Variants in EML1 observed in about 807,000 individuals in gnomAD.
EML1 encodes EMAP like 1.
In EML1, 27 loss-of-function variants were observed where a neutral mutation model predicts 110.4. That is an observed-to-expected ratio of 0.24 (90% CI 0.18 to 0.34). The LOEUF is 0.34. Among genes scored for constraint, EML1 ranks in the 10% least tolerant of loss-of-function variants. EML1 has a pLI of 1.00. For synonymous variants in EML1, 344 were observed against 385.8 expected, an observed-to-expected ratio of 0.89 and a Z score of 1.27; for missense variants, 741 against 1,030.9, an observed-to-expected ratio of 0.72 and a Z score of 3.85.
At chr14:99,892,103 G>A (rs2059597989) in intron 5 of EML1, 2 of 984,596 alleles carry the variant, frequency 2.0e-6, no homozygotes, top group Non-Finnish European at 2.4e-6. Context: ...AGGCAGGCCA[G>A]CCACACTTGC....
intron 1 of EML1, among the ~76,000 whole-genome samples, chr14:99,767,056 C>T (rs1426632020): frequency 2.0e-5 from 3 of 152,166 alleles, no homozygotes; most frequent in Non-Finnish European, 4.4e-5. Context: ...TTTTCCATCG[C>T]CATGGTGACT....
At chr14:99,901,306 T>C (rs572313081) in intron 9 of EML1, among the ~76,000 whole-genome samples, 1 of 152,284 alleles carries the variant, frequency 6.6e-6, no homozygotes, top group East Asian at 1.9e-4. Flanking sequence ...GTCCTCACTT[T>C]CCTTAAGGCA....
chr14:99,750,166 C>A (rs2057159376), intron 1 of EML1, among the ~76,000 whole-genome samples: 1 of 152,244 alleles, frequency 6.6e-6, no homozygotes, highest in Non-Finnish European at 1.5e-5. Flanking sequence ...ACAAATCCAT[C>A]TCTAACAGCA....
chr14:99,766,542 A>G (rs1431818519), intron 1 of EML1, among the ~76,000 whole-genome samples: 2 of 152,174 alleles, frequency 1.3e-5, no homozygotes, highest in African/African-American at 2.4e-5. Context: ...TCTATCACAC[A>G]TAGACCAACT....
In EML1 at chr14:99,767,375, G is replaced by T. The variant is rs193171779; in HGVS notation, c.28+29515G>T. Among the ~76,000 whole-genome samples the T allele has an allele frequency of 2.6e-4, 40 of 152,342 alleles. No individual in the cohort carries two copies. The East Asian group carries it at 7.1e-3, about 27-fold the overall frequency. On this transcript the variant is annotated intron_variant, in intron 1 of 10. Coordinates refer to the EML1 transcript ENST00000554479. ...TCCCAACACTTTGGGAGGCCAAGGC[G>T]GGCAGATCATAAGGTCAGGATATGG... is the stretch of plus-strand genomic sequence containing the variant.
intron 1 of EML1, among the ~76,000 whole-genome samples, chr14:99,795,394 A>G (rs959478959): frequency 2.0e-5 from 3 of 152,240 alleles, no homozygotes; most frequent in Admixed American, 6.5e-5. Flanking sequence ...ACTAGAATCA[A>G]ACAATAAGAT....
chr14:99,802,494 C>T (rs978328890), intron 1 of EML1, among the ~76,000 whole-genome samples: 2 of 151,818 alleles, frequency 1.3e-5, no homozygotes, highest in African/African-American at 2.4e-5. Flanking sequence ...TCACCCTGGG[C>T]GGGGTGTTGG....
intron 20 of EML1, among the ~76,000 whole-genome samples, chr14:99,938,420 G>A (rs2060513034): frequency 6.6e-6 from 1 of 152,190 alleles, no homozygotes; most frequent in Admixed American, 6.5e-5. Flanking sequence ...GTGAGAATTT[G>A]CAGTTTTGTG....
chr14:99,909,633 A>G (rs1350001263), intron 11 of EML1, among the ~76,000 whole-genome samples, 154 bp downstream of exon 11: 3 of 152,156 alleles, frequency 2.0e-5, no homozygotes, highest in African/African-American at 7.2e-5. Context: ...GCTGGTAATG[A>G]AGTGAAGAAA....
Position 99,939,131 on chromosome 14 carries a change from T to A in EML1, c.2192-66T>A. On this transcript the variant is annotated intron_variant, in intron 20 of 21. Coordinates refer to ENST00000262233, the MANE Select transcript of EML1 (RefSeq NM_004434.3). This position sits in a 1 kb window ranked among gnomAD's most constrained non-coding sequence, Gnocchi z 4.2. ...ATGTTCAGGACCGTTCAGTGGGCGC[T>A]TCCTGCGCCATGTGGCCCTGTGGCC... 2 of 1,589,680 alleles carry A rather than the reference T, an allele frequency of 1.3e-6. No individual in the cohort carries two copies. Among genetic ancestry groups the A allele is most frequent in the South Asian group, 1.1e-5 (1 of 87,530 alleles).
intron 1 of EML1, among the ~76,000 whole-genome samples, chr14:99,802,437 T>G (rs1595302856): frequency 6.8e-6 from 1 of 147,740 alleles, no homozygotes; most frequent in Admixed American, 6.7e-5. Flanking sequence ...GGTAGGAGGG[T>G]AGAGGTGGGG....
chr14:99,816,196 C>T (rs1462970919), intron 1 of EML1, among the ~76,000 whole-genome samples: 1 of 152,224 alleles, frequency 6.6e-6, no homozygotes, highest in Non-Finnish European at 1.5e-5. Context: ...CGGAGTCTCA[C>T]TCTGTCGCCC....
chr14:99,787,437 CCTGT>C (rs901520773), intron 1 of EML1, among the ~76,000 whole-genome samples: 3 of 151,984 alleles, frequency 2.0e-5, no homozygotes, highest in African/African-American at 7.2e-5. Context: ...TGCCACCATG[CCTGT>C]CTAATTTTTG....
chr14:99,880,509 G>A (rs561504133), intron 4 of EML1, among the ~76,000 whole-genome samples: 4 of 152,288 alleles, frequency 2.6e-5, no homozygotes, highest in African/African-American at 9.6e-5. Context: ...ATGGGACACA[G>A]GGAAGGAAAG....
At chr14:99,859,462 A>G (rs2058962893) in intron 2 of EML1, among the ~76,000 whole-genome samples, 1 of 152,212 alleles carries the variant, frequency 6.6e-6, no homozygotes, top group Admixed American at 6.5e-5. Context: ...TCTCACATGA[A>G]TGAAAGACAA....
intron 1 of EML1, among the ~76,000 whole-genome samples, chr14:99,836,164 C>A (rs1366936325): frequency 6.6e-6 from 1 of 152,102 alleles, no homozygotes; most frequent in African/African-American, 2.4e-5. Context: ...AATCCGTGAA[C>A]ATGGAATATA....
chr14:99,743,809 T>C (rs1466494289), intron 1 of EML1, among the ~76,000 whole-genome samples: 1 of 152,270 alleles, frequency 6.6e-6, no homozygotes, highest in Non-Finnish European at 1.5e-5. Flanking sequence ...TATCCACTTC[T>C]GTTCTTTTAA....
At chr14:99,829,121 T>TG (rs1222892698) in intron 1 of EML1, among the ~76,000 whole-genome samples, 5 of 152,256 alleles carry the variant, frequency 3.3e-5, no homozygotes, top group South Asian at 2.1e-4. Flanking sequence ...CTGTGGTTAA[T>TG]GGGGGGGCCA....
At chr14:99,882,111 T>A (rs547324951) in intron 4 of EML1, among the ~76,000 whole-genome samples, 1 of 152,348 alleles carries the variant, frequency 6.6e-6, no homozygotes, top group Non-Finnish European at 1.5e-5. Flanking sequence ...AAGCAATATA[T>A]GGTAGTATTT....
Sources: allele counts gnomAD v4.1 joint callset (sites outside exome capture counted in the v4.1 genomes callset), GRCh38; gene constraint gnomAD v4.1.1; non-coding constraint Gnocchi (gnomAD v3.1); transcripts MANE v1.5; gene names NCBI Gene and HGNC (gene_info 2026-07-23, HGNC 2026-07-21).